KMT2D: variants seen among roughly 807,000 people sequenced by gnomAD.
KMT2D encodes the protein lysine methyltransferase 2D.
A neutral mutation model predicts 512.7 loss-of-function variants in KMT2D; 55 were observed. That is an observed-to-expected ratio of 0.11 (90% CI 0.09 to 0.13). The LOEUF (loss-of-function observed/expected upper bound fraction) is 0.13, where lower values mean the gene tolerates loss of function less well. KMT2D is among the 10% of genes least tolerant of loss of function. The pLI, the probability that KMT2D is intolerant of heterozygous loss-of-function variation, is 1.00. For missense variants in KMT2D, 6,061 were observed against 7,127.9 expected (o/e 0.85, Z 5.39); for synonymous variants, 2,995 against 2,904.0 (o/e 1.03, Z -1.01).
At chr12:49,047,656 GT>G (rs1937638885) in intron 15 of KMT2D, among the ~76,000 whole-genome samples, 1 of 151,824 alleles carries the variant, frequency 6.6e-6, no homozygotes, top group Non-Finnish European at 1.5e-5. Flanking sequence ...CTAATCTCAG[GT>G]GATCCACCCA....
rs1160502598 is a variant in KMT2D, at chr12:49,052,383, G to C, written c.1300C>G (p.Leu434Val). 1.3e-6 allele frequency: 2 copies of C among 1,542,018 alleles called. No homozygotes were observed. Among genetic ancestry groups the C allele is most frequent in the African/African-American group, 1.4e-5 (1 of 72,634 alleles). Residue 434 changes from leucine (L) to valine (V), a missense_variant, in exon 11 of 55, where the codon CTA (leucine) becomes GTA (valine). Coordinates refer to ENST00000301067, the MANE Select transcript of KMT2D (RefSeq NM_003482.4). ...VQLEPQLEAP[L>V]NEEMPLLPPP... Reference sequence around the variant, plus strand: ...GGCAGCAGTGGCATCTCCTCGTTTAGGGGGGCCTCCAACTGGGGCTCAAGT... The same window carrying C: ...GGCAGCAGTGGCATCTCCTCGTTTACGGGGGCCTCCAACTGGGGCTCAAGT...
chr12:49,038,372 T>C lies in KMT2D; in HGVS notation c.8984A>G (p.Asp2995Gly), dbSNP rs2120495689. The change falls in exon 35 of 55, where the codon GAC becomes GGC. Residue 2995 changes from aspartate (D) to glycine (G), a missense_variant. This residue lies in a region of KMT2D where 527 missense variants were observed against 578.9 expected (regional missense o/e 0.91). Transcript: ENST00000301067. The surrounding 1 kb of genome is among the most constrained non-coding windows in gnomAD (Gnocchi z 5.7). ...TAGGGCCTTGTGGGCATCAAAATCG[T>C]CATCCAGCTCGGGATCCTCACAGGG... ...KLPCEDPELD[D>G]DFDAHKALED... 3.1e-6 allele frequency: 5 copies of C among 1,613,826 alleles called. No homozygotes were observed. The highest frequency in any genetic ancestry group is 4.2e-6 in the Non-Finnish European group (5 of 1,179,864).
In KMT2D at chr12:49,050,049, G is replaced by A. The variant is rs750754763; in HGVS notation, c.3539C>T (p.Ser1180Leu). Reference protein sequence around the residue: ...PECKQTAGQGSPCEEQEEPRA... With the variant: ...PECKQTAGQGLPCEEQEEPRA... ...TGGCTCTTCCTGTTCTTCACATGGT[G>A]AGCCCTGCCCTGCTGTCTGCTTGCA... Residue 1180 changes from serine (S) to leucine (L), a missense_variant, in exon 12 of 55, where the codon TCA becomes TTA. By Grantham distance (145) the Ser-to-Leu change is moderately radical. Around this residue, in one of 16 missense-constraint regions of KMT2D, gnomAD observed 447 missense variants for 500.1 expected, o/e 0.89. Coordinates refer to ENST00000301067, the MANE Select transcript of KMT2D (RefSeq NM_003482.4). 6.2e-6 allele frequency: 10 copies of A among 1,613,798 alleles called. No individual in the cohort carries two copies. The highest frequency in any genetic ancestry group is 5.5e-5 in the South Asian group (5 of 91,094).
In KMT2D at chr12:49,031,896, T is replaced by C; in HGVS notation, c.12809A>G (p.Gln4270Arg). Residue 4270 changes from glutamine to arginine, a missense_variant, in exon 40 of 55, where the codon CAG becomes CGG. Coordinates refer to ENST00000301067, the MANE Select transcript of KMT2D (RefSeq NM_003482.4). ...QPQLGGFPGP[Q>R]TGPLQELGAG... The stretch of plus-strand genomic sequence containing the variant: ...CCCTAGCTCCTGGAGGGGGCCTGTC[T>C]GTGGTCCAGGGAAGCCCCCAAGTTG... 1 of 1,534,014 alleles carries C rather than the reference T, an allele frequency of 6.5e-7. No homozygotes were observed. Among genetic ancestry groups the C allele is most frequent in the Non-Finnish European group, 8.8e-7 (1 of 1,142,204 alleles).
Position 49,022,456 on chromosome 12 carries a change from C to A in KMT2D, c.16339-103G>T. On this transcript the variant is annotated intron_variant, in intron 52 of 54. Transcript: ENST00000301067. This position sits in a 1 kb window ranked among gnomAD's most constrained non-coding sequence, Gnocchi z 8.6. ...ACTCAGGCAGTGGGGGCTTTTGTTGCATGTACTTCATTTCTCCTGCCTTTC... is the reference window on the plus strand; with the variant it reads ...ACTCAGGCAGTGGGGGCTTTTGTTGAATGTACTTCATTTCTCCTGCCTTTC... 6.7e-7 allele frequency: 1 copy of A among 1,485,896 alleles called. No individual in the cohort carries two copies. The allele number at this position is 1,485,896 out of a possible 1,614,324, so 92.0% of individuals were successfully genotyped here.
chr12:49,031,155 A>T lies in KMT2D; in HGVS notation c.13530+20T>A, dbSNP rs554386802. 1.2e-6 allele frequency: 2 copies of T among 1,606,570 alleles called. No individual in the cohort carries two copies. Among genetic ancestry groups the T allele is most frequent in the South Asian group, 2.2e-5 (2 of 90,688 alleles). Reference sequence around the variant, plus strand: ...CTCTAGGACCCACTCTACCTGCTCCACTCTACTCAGAGTACTCACCTCCTT... The same window carrying T: ...CTCTAGGACCCACTCTACCTGCTCCTCTCTACTCAGAGTACTCACCTCCTT... On this transcript the variant is annotated intron_variant, in intron 40 of 54. Coordinates refer to ENST00000301067, the MANE Select transcript of KMT2D (RefSeq NM_003482.4).
Position 49,044,746 on chromosome 12 carries a change from T to C in KMT2D, c.4961A>G (p.Glu1654Gly), listed in dbSNP as rs1020821794. The stretch of plus-strand genomic sequence containing the variant: ...TCCCTAAGATTCCCCAAGCTAACCT[T>C]CACCCTTGAGCAGCTCATCGGTGTC... Reference protein sequence around the residue: ...DLDTDELLKGEGGVEHMECEI... With the variant: ...DLDTDELLKGGGGVEHMECEI... Residue 1654 changes from glutamate to glycine, a missense_variant and splice_region_variant, in exon 20 of 55, where the codon GAA becomes GGA. This residue lies in a region of KMT2D where 640 missense variants were observed against 814.3 expected (regional missense o/e 0.79). Coordinates refer to ENST00000301067, the MANE Select transcript of KMT2D (RefSeq NM_003482.4). The surrounding 1 kb of genome is among the most constrained non-coding windows in gnomAD (Gnocchi z 6.4). 2.5e-6 allele frequency: 4 copies of C among 1,610,956 alleles called. No homozygotes were observed. Among genetic ancestry groups the C allele is most frequent in the Non-Finnish European group, 3.4e-6 (4 of 1,177,406 alleles).
chr12:49,049,448 A>T (rs954922274), intron 12 of KMT2D, among the ~76,000 whole-genome samples: 1 of 152,206 alleles, frequency 6.6e-6, no homozygotes, highest in African/African-American at 2.4e-5. Context: ...AAGGAGAAAA[A>T]ACAATGGCTT....
At position 49,037,291 on chromosome 12, in the gene KMT2D, A is replaced by T. The variant is rs1263705349; in HGVS notation, c.10065T>A (p.His3355Gln). 4 of 1,613,524 alleles carry T rather than the reference A, an allele frequency of 2.5e-6. No individual in the cohort carries two copies. In the African/African-American group the frequency reaches 4.0e-5, roughly 16 times the overall value. Residue 3355 changes from histidine (H) to glutamine (Q), a missense_variant, in exon 35 of 55, where the codon CAT becomes CAA. His to Gln is a conservative substitution (Grantham distance 24, BLOSUM62 0). Around this residue, in one of 16 missense-constraint regions of KMT2D, gnomAD observed 533 missense variants for 539.6 expected, o/e 0.99. Transcript: ENST00000301067. ...GCCCTCCATGCTGCCCACTTAGCATATGCCCTTGATTGGACACCATAGCCA... is the reference window on the plus strand; with the variant it reads ...GCCCTCCATGCTGCCCACTTAGCATTTGCCCTTGATTGGACACCATAGCCA... ...PSMAMVSNQG[H>Q]MLSGQHGGQA...
intron 1 of KMT2D, among the ~76,000 whole-genome samples, chr12:49,057,589 T>C (rs1384041793): frequency 1.3e-5 from 2 of 152,166 alleles, no homozygotes; most frequent in African/African-American, 4.8e-5. Flanking sequence ...GTCATACAAC[T>C]TGTACCAAAA....
Position 49,019,620 on chromosome 12 carries a change from T to G in KMT2D, c.*2160A>C, listed in dbSNP as rs1000908630. ...ACAGCCTGACTCACGGGAGCCAATCTCCCCCTCCCTGTAGCCTAGACCTTC... is the reference window on the plus strand; with the variant it reads ...ACAGCCTGACTCACGGGAGCCAATCGCCCCCTCCCTGTAGCCTAGACCTTC... On this transcript the variant is annotated 3_prime_UTR_variant, in exon 55 of 55. Coordinates refer to ENST00000301067, the MANE Select transcript of KMT2D (RefSeq NM_003482.4). The G allele has an allele frequency of 5.2e-5, 12 of 229,050 alleles. No individual in the cohort carries two copies. The Admixed American group carries it at 6.3e-4, about 12-fold the overall frequency. The allele number at this position is 229,050 out of a possible 1,614,324, so 14.2% of individuals were successfully genotyped here.
At chr12:49,047,627 C>A (rs1023261682) in intron 15 of KMT2D, among the ~76,000 whole-genome samples, 6 of 151,914 alleles carry the variant, frequency 3.9e-5, no homozygotes, top group Admixed American at 6.6e-5. Flanking sequence ...ACCATGTTGA[C>A]CACGATGGTC....
At position 49,038,797 on chromosome 12, in the gene KMT2D, C is replaced by A. The variant is rs375344889; in HGVS notation, c.8559G>T (p.Pro2853=). 6.3e-7 allele frequency: 1 copy of A among 1,585,066 alleles called. No homozygotes were observed. The highest frequency in any genetic ancestry group is 8.6e-7 in the Non-Finnish European group (1 of 1,165,492). Residue 2853 remains proline (P), a synonymous_variant, in exon 35 of 55, where the codon CCG becomes CCT. Transcript: ENST00000301067. The surrounding 1 kb of genome is among the most constrained non-coding windows in gnomAD (Gnocchi z 5.7). ...PELGRQALGS[P]LAGISTRLPG... ...GCAGACGGGTGGAAATTCCCGCCAACGGGGAACCTAGGGCTTGGCGGCCAA... is the reference window on the plus strand; with the variant it reads ...GCAGACGGGTGGAAATTCCCGCCAAAGGGGAACCTAGGGCTTGGCGGCCAA...
At chr12:49,027,458 CTTTTTTTTTT>C in intron 48 of KMT2D, 136 bp from the exon 49 acceptor site, 1 of 681,748 alleles carries the variant, frequency 1.5e-6, no homozygotes. Context: ...CTTTTCTTTT[CTTTTTTTTTT>C]GAGACACAGT....
At chr12:49,037,087 A>G (rs2084383195) in intron 35 of KMT2D, 38 bp downstream of exon 35, 2 of 1,529,290 alleles carry the variant, frequency 1.3e-6, no homozygotes, top group South Asian at 2.6e-5. Flanking sequence ...AACAATAATC[A>G]CCCTGAGTAA....
rs1943487467 is a variant in KMT2D at position 49,040,947 on chromosome 12, G to T, written c.6823C>A (p.Pro2275Thr). 1 of 1,613,024 alleles carries T rather than the reference G, an allele frequency of 6.2e-7. No homozygotes were observed. ...GGKASEPLLS[P>T]PPFGESRKAL... ...TTCCGGGACTCCCCAAAAGGTGGGG[G>T]CGAGAGCAGGGGCTCGGAAGCTTTG... Residue 2275 changes from proline to threonine, a missense_variant, in exon 32 of 55, where the codon CCC becomes ACC. Physicochemically the swap from Pro to Thr is conservative, Grantham distance 38. Transcript: ENST00000301067.
In KMT2D at chr12:49,032,211, T is replaced by C. The variant is rs778125974; in HGVS notation, c.12494A>G (p.Gln4165Arg). The change falls in exon 40 of 55, where the codon CAA becomes CGA. Residue 4165 changes from glutamine (Q) to arginine (R), a missense_variant. Gln to Arg is a conservative substitution (Grantham distance 43). Transcript: ENST00000301067. Reference sequence around the variant, plus strand: ...GGGAGGTTGTGGCCCTGTATTATTTTGCATGGGCCGCTCTAGCATGGGCTG... The same window carrying C: ...GGGAGGTTGTGGCCCTGTATTATTTCGCATGGGCCGCTCTAGCATGGGCTG... ...PQQPMLERPM[Q>R]NNTGPQPPKP... 7 of 1,613,248 alleles carry C rather than the reference T, an allele frequency of 4.3e-6. No homozygotes were observed. The highest frequency in any genetic ancestry group is 5.9e-6 in the Non-Finnish European group (7 of 1,179,348).
intron 46 of KMT2D, 100 bp from the exon 47 acceptor site, chr12:49,028,241 T>G: frequency 5.7e-6 from 8 of 1,400,416 alleles, no homozygotes; most frequent in Non-Finnish European, 7.9e-6. Flanking sequence ...TAGAACCCAC[T>G]CCCCAGGGTA....
At position 49,033,866 on chromosome 12, in the gene KMT2D, G is replaced by GTGCTGT. The variant is rs1565780211; in HGVS notation, c.10833_10838dup (p.Gln3611_Gln3612dup). The GTGCTGT allele has an allele frequency of 1.9e-6, 3 of 1,555,658 alleles. No homozygotes were observed. Among genetic ancestry groups the GTGCTGT allele is most frequent in the Admixed American group, 3.9e-5 (2 of 51,158 alleles). ...AAGGGCTGAGAGCCAGCACAGCTGA[G>GTGCTGT]TGCTGTTGCTGTTGTTGCTGCTGCT... On this transcript the variant is annotated inframe_insertion, in exon 40 of 55. Coordinates refer to ENST00000301067, the MANE Select transcript of KMT2D (RefSeq NM_003482.4).
Sources: allele counts gnomAD v4.1 joint callset (sites outside exome capture counted in the v4.1 genomes callset), GRCh38; gene constraint gnomAD v4.1.1; regional missense constraint gnomAD v4.1.1; non-coding constraint Gnocchi (gnomAD v3.1); transcripts MANE v1.5; gene names NCBI Gene and HGNC (gene_info 2026-07-23, HGNC 2026-07-21).